Variants in ARID1A observed in about 807,000 individuals in gnomAD.
ARID1A encodes AT-rich interaction domain 1A.
A neutral mutation model predicts 212.6 loss-of-function variants in ARID1A; 20 were observed. The observed-to-expected ratio is 0.09, with a 90% CI of 0.07 to 0.14. The LOEUF (loss-of-function observed/expected upper bound fraction) is 0.14, where lower values mean the gene tolerates loss of function less well. Ranked by LOEUF, ARID1A falls within the 10% of genes least tolerant of loss-of-function variation. The pLI is 1.00. For synonymous variants in ARID1A, 1,376 were observed against 1,222.1 expected, an observed-to-expected ratio of 1.13 and a Z score of -2.63; for missense variants, 2,587 against 3,059.0, an observed-to-expected ratio of 0.85 and a Z score of 3.64.
At chr1:26,736,721 G>A (rs541030995) in intron 4 of ARID1A, among the ~76,000 whole-genome samples, 54 of 150,640 alleles carry the variant, frequency 3.6e-4, no homozygotes, top group South Asian at 2.3e-3. Flanking sequence ...TGACCAACAC[G>A]GAGAAACCCC....
rs145267016 is a variant in ARID1A at position 26,763,147 on chromosome 1, A to G, written c.2594A>G (p.Asn865Ser). 44 of 1,614,106 alleles carry G rather than the reference A, an allele frequency of 2.7e-5. No individual in the cohort carries two copies. The highest frequency in any genetic ancestry group is 1.3e-4 in the East Asian group (6 of 44,894). Reference protein sequence around the residue: ...PGRMSHASMGNRPYGPNMANM... With the variant: ...PGRMSHASMGSRPYGPNMANM... ...AGGATGAGTCACGCCTCCATGGGCA[A>G]CCGGCCTTATGGCCCTAACATGGCC... The change falls in exon 8 of 20, where the codon AAC becomes AGC. Residue 865 changes from asparagine (N) to serine (S), a missense_variant. Physicochemically the swap from Asn to Ser is conservative, Grantham distance 46. Coordinates refer to ENST00000324856, the MANE Select transcript of ARID1A (RefSeq NM_006015.6).
At position 26,763,301 on chromosome 1, in the gene ARID1A, C is replaced by G. The variant is rs528659744; in HGVS notation, c.2732+16C>G. ...TCCAAAACAGGTAAGGCCTGGGAAG[C>G]AGAGAGGGTGTCAGTGCAAGAAAAT... On this transcript the variant is annotated intron_variant, in intron 8 of 19. Transcript: ENST00000324856. The G allele has an allele frequency of 3.2e-6, 5 of 1,575,282 alleles. No individual in the cohort carries two copies. In the East Asian group the frequency reaches 1.1e-4, roughly 36 times the overall value.
At chr1:26,720,811 G>A (rs554926576) in intron 1 of ARID1A, among the ~76,000 whole-genome samples, 2 of 151,832 alleles carry the variant, frequency 1.3e-5, no homozygotes, top group Admixed American at 1.3e-4. Context: ...TGAGGCTGCA[G>A]TGGGCCATGA....
intron 1 of ARID1A, among the ~76,000 whole-genome samples, chr1:26,713,359 T>TG (rs1410375446): frequency 2.6e-5 from 4 of 151,606 alleles, no homozygotes; most frequent in African/African-American, 9.7e-5. Flanking sequence ...TGGTGAAGAT[T>TG]GATTTTTTTT....
chr1:26,713,311 G>C (rs2080470594), intron 1 of ARID1A, among the ~76,000 whole-genome samples: 1 of 151,886 alleles, frequency 6.6e-6, no homozygotes, highest in South Asian at 2.1e-4. Context: ...TGGTAAAATG[G>C]AGATACAACA....
intron 4 of ARID1A, among the ~76,000 whole-genome samples, chr1:26,751,670 A>G (rs1298436596): frequency 6.6e-6 from 1 of 152,214 alleles, no homozygotes; most frequent in Non-Finnish European, 1.5e-5. Flanking sequence ...TCACATATTC[A>G]TGTCAATTCT....
At chr1:26,704,839 A>G (rs1454630485) in intron 1 of ARID1A, among the ~76,000 whole-genome samples, 3 of 151,786 alleles carry the variant, frequency 2.0e-5, no homozygotes, top group Non-Finnish European at 2.9e-5. Context: ...AGCCTGGGCA[A>G]TGGAGCCAAG....
chr1:26,707,333 C>T (rs1312942419), intron 1 of ARID1A, among the ~76,000 whole-genome samples: 2 of 151,078 alleles, frequency 1.3e-5, no homozygotes, highest in Non-Finnish European at 3.0e-5. Flanking sequence ...CACAGCCTCC[C>T]GAGTAGCTGG....
At chr1:26,758,506 C>T (rs1438313995) in intron 4 of ARID1A, among the ~76,000 whole-genome samples, 1 of 152,006 alleles carries the variant, frequency 6.6e-6, no homozygotes, top group Admixed American at 6.6e-5. Context: ...GTAGTCCCAG[C>T]TACTCAGGAG....
chr1:26,743,647 A>G (rs972507849), intron 4 of ARID1A, among the ~76,000 whole-genome samples: 2 of 151,946 alleles, frequency 1.3e-5, no homozygotes, highest in African/African-American at 2.4e-5. Flanking sequence ...AGCCTGGACA[A>G]CATGGCGAAA....
Position 26,781,027 on chromosome 1 carries a change from A to C in ARID1A, c.*271A>C. The C allele has an allele frequency of 5.4e-6, 2 of 370,002 alleles. No individual in the cohort carries two copies. The highest frequency in any genetic ancestry group is 3.9e-5 in the East Asian group (1 of 25,458). 22.9% of individuals were successfully genotyped at this position (370,002 alleles called of 1,614,324 possible). A position where few individuals can be genotyped will look rare whatever the true frequency, so the allele number is the denominator to read the frequency against. ...TTTGAAAAGACAAAGCTCTGCCTAC[A>C]TAGAAGACTTTTTTTATTTTAACCA... is the stretch of plus-strand genomic sequence containing the variant. On this transcript the variant is annotated 3_prime_UTR_variant, in exon 20 of 20. Coordinates refer to ENST00000324856, the MANE Select transcript of ARID1A (RefSeq NM_006015.6).
At chr1:26,710,794 A>T (rs2080445941) in intron 1 of ARID1A, among the ~76,000 whole-genome samples, 1 of 152,230 alleles carries the variant, frequency 6.6e-6, no homozygotes, top group African/African-American at 2.4e-5. Context: ...CTTCTAAATT[A>T]TACCATAGAT....
At chr1:26,701,415 G>A (rs975043442) in intron 1 of ARID1A, among the ~76,000 whole-genome samples, 4 of 152,074 alleles carry the variant, frequency 2.6e-5, no homozygotes, top group Non-Finnish European at 5.9e-5. Context: ...CATTACTGAC[G>A]CACACTTACG....
Position 26,697,429 on chromosome 1 carries a change from G to C in ARID1A, c.1026G>C (p.Ala342=). The change falls in exon 1 of 20, where the codon GCG becomes GCC. Residue 342 remains alanine (A), a synonymous_variant. Transcript: ENST00000324856. ...MASQCWGAAA[A]AAAAAAASGG... is the part of the protein sequence containing the mutation. ...CGCAGTGTTGGGGGGCTGCGGCGGC[G>C]GCAGCTGCGGCGGCGGCCGCCTCGG... 1.5e-6 allele frequency: 2 copies of C among 1,349,940 alleles called. No individual in the cohort carries two copies. Among genetic ancestry groups the C allele is most frequent in the African/African-American group, 1.5e-5 (1 of 64,974 alleles). 83.6% of individuals were successfully genotyped at this position (1,349,940 alleles called of 1,614,324 possible).
At chr1:26,710,024 G>A (rs1358430998) in intron 1 of ARID1A, among the ~76,000 whole-genome samples, 13 of 150,568 alleles carry the variant, frequency 8.6e-5, no homozygotes, top group African/African-American at 3.2e-4. Flanking sequence ...TAGAGACGGG[G>A]TTTCACCACG....
chr1:26,697,746 C>A (rs941924572), intron 1 of ARID1A, among the ~76,000 whole-genome samples: 10 of 151,894 alleles, frequency 6.6e-5, no homozygotes, highest in African/African-American at 2.2e-4. Flanking sequence ...TTGGGTTTTT[C>A]CAGAGGTGTC....
At chr1:26,732,518 G>A (rs1216354085) in intron 3 of ARID1A, among the ~76,000 whole-genome samples, 158 bp from the exon 4 acceptor site, 1 of 152,178 alleles carries the variant, frequency 6.6e-6, no homozygotes, top group Non-Finnish European at 1.5e-5. Flanking sequence ...ATTCTTACCA[G>A]TCACAGCTTG....
At chr1:26,778,514 A>G (rs2081158285) in intron 19 of ARID1A, 1 of 152,690 alleles carries the variant, frequency 6.5e-6, no homozygotes, top group African/African-American at 2.4e-5. Context: ...CTTATGCTGC[A>G]AGATCCATGG....
chr1:26,752,975 G>C (rs540076145), intron 4 of ARID1A: 1 of 152,308 alleles, frequency 6.6e-6, no homozygotes, highest in East Asian at 1.9e-4. Context: ...GATTTAGCCA[G>C]ATTTATGGGA....
Sources: allele counts gnomAD v4.1 joint callset (sites outside exome capture counted in the v4.1 genomes callset), GRCh38; gene constraint gnomAD v4.1.1; transcripts MANE v1.5; gene names NCBI Gene and HGNC (gene_info 2026-07-23, HGNC 2026-07-21).